The following PGD variants were observed in gnomAD, a reference collection of about 807,000 sequenced individuals.
PGD encodes the protein phosphogluconate dehydrogenase.
In PGD, 21 loss-of-function variants were observed where a neutral mutation model predicts 60.4. The observed-to-expected ratio is 0.35, with a 90% CI of 0.25 to 0.50. PGD has a LOEUF of 0.50. Ranked by LOEUF, PGD falls within the 20% of genes least tolerant of loss-of-function variation. The pLI is 0.98. For missense variants in PGD, 477 were observed against 613.1 expected (o/e 0.78, Z 2.34); for synonymous variants, 230 against 235.9 (o/e 0.97, Z 0.23).
chr1:10,411,824 C>T (rs1014199971), intron 7 of PGD, among the ~76,000 whole-genome samples: 3 of 152,190 alleles, frequency 2.0e-5, no homozygotes, highest in African/African-American at 7.2e-5. Context: ...CATACCTGTC[C>T]CATTTACTCC....
Position 10,413,259 on chromosome 1 carries a change from T to TA in PGD, c.844+9dup. The stretch of plus-strand genomic sequence containing the variant: ...TACCCGTCACCCTCATTGGTAATGT[T>TA]ATGCTTTTCACATGGGCCCTTTCGT... On this transcript the variant is annotated intron_variant, in intron 8 of 12. Transcript: ENST00000270776. The TA allele has an allele frequency of 6.2e-7, 1 of 1,611,380 alleles. No individual in the cohort carries two copies. The highest frequency in any genetic ancestry group is 8.5e-7 in the Non-Finnish European group (1 of 1,177,678).
In PGD at chr1:10,409,981, C is replaced by T. The variant is rs574236491; in HGVS notation, c.520-1437C>T. ...TGCAACTTTTTTTTAGATACACACA[C>T]TTAGGACAAAGTCATGAAGAGAAGC... On this transcript the variant is annotated intron_variant, in intron 6 of 12. Transcript: ENST00000270776. Among the ~76,000 whole-genome samples the T allele has an allele frequency of 5.9e-5, 9 of 152,238 alleles. No individual in the cohort carries two copies. The East Asian group carries it at 1.7e-3, about 29-fold the overall frequency.
chr1:10,399,509 G>T, intron 1 of PGD, 120 bp from the exon 2 acceptor site: 1 of 905,882 alleles, frequency 1.1e-6, no homozygotes, highest in Non-Finnish European at 1.7e-6. Context: ...GGGGCCCGCG[G>T]GAGGCGCGGA....
At chr1:10,405,423 C>T (rs1002067834) in intron 5 of PGD, among the ~76,000 whole-genome samples, 1 of 150,392 alleles carries the variant, frequency 6.6e-6, no homozygotes, top group Non-Finnish European at 1.5e-5. Context: ...CACACACACA[C>T]ACATATATAT....
rs535757923 is a variant in PGD, at chr1:10,399,065, C to A, written c.-53C>A. On this transcript the variant is annotated 5_prime_UTR_variant, in exon 1 of 13. Coordinates refer to ENST00000270776, the MANE Select transcript of PGD (RefSeq NM_002631.4). The stretch of plus-strand genomic sequence containing the variant: ...TGGAGGGAGCCGCTGCGGGTCTTTC[C>A]CTCACTCGTCCTCCGCGCGTCGCCG... 1.8e-5 allele frequency: 29 copies of A among 1,607,950 alleles called. 1 individual carries two copies. In the South Asian group the frequency reaches 3.0e-4, roughly 16 times the overall value.
chr1:10,405,966 G>A (rs139515209), intron 5 of PGD, among the ~76,000 whole-genome samples: 8 of 152,044 alleles, frequency 5.3e-5, no homozygotes, highest in African/African-American at 7.2e-5. Context: ...CCATTCTCTC[G>A]CCTCAGCCTC....
rs751921769 is a variant in PGD, at chr1:10,419,679, C to A, written c.1382C>A (p.Pro461Gln). Residue 461 changes from proline (P) to glutamine (Q), a missense_variant, in exon 13 of 13, where the codon CCA (proline) becomes CAA (glutamine). By Grantham distance (76) the Pro-to-Gln change is moderately conservative. Coordinates refer to ENST00000270776, the MANE Select transcript of PGD (RefSeq NM_002631.4). ...GAHTYELLAK[P>Q]GQFIHTNWTG... ...CACACCTATGAACTCTTGGCCAAACCAGGGCAGTTTATCCACACCAACTGG... is the reference window on the plus strand; with the variant it reads ...CACACCTATGAACTCTTGGCCAAACAAGGGCAGTTTATCCACACCAACTGG... The A allele has an allele frequency of 5.0e-6, 8 of 1,614,206 alleles. No individual in the cohort carries two copies. The South Asian group carries it at 8.8e-5, about 18-fold the overall frequency.
chr1:10,416,382 T>G (rs911010960), intron 8 of PGD, among the ~76,000 whole-genome samples: 1 of 152,234 alleles, frequency 6.6e-6, no homozygotes, highest in Non-Finnish European at 1.5e-5. Context: ...GTTATCAAAT[T>G]AACTGTTTAG....
chr1:10,400,920 TGTCTCTACA>T (rs1639305260), intron 3 of PGD, among the ~76,000 whole-genome samples: 1 of 152,014 alleles, frequency 6.6e-6, no homozygotes, highest in Non-Finnish European at 1.5e-5. Flanking sequence ...GGCGAAACCC[TGTCTCTACA>T]TAAAATTAAA....
In PGD at chr1:10,400,654, T is replaced by C. The variant is rs549527936; in HGVS notation, c.264+82T>C. 1.0e-5 allele frequency: 11 copies of C among 1,099,242 alleles called. No homozygotes were observed. In the East Asian group the frequency reaches 2.8e-4, roughly 28 times the overall value. The allele number at this position is 1,099,242 out of a possible 1,614,324, so 68.1% of individuals were successfully genotyped here. ...CCTTTAGTTCTCCTTCTTTTAACTC[T>C]AGAGATTTTTTTTTTTCAATTTCTG... On this transcript the variant is annotated intron_variant, in intron 3 of 12. Transcript: ENST00000270776.
intron 8 of PGD, chr1:10,415,258 A>G (rs1639576041): frequency 2.0e-5 from 3 of 152,114 alleles, no homozygotes. Context: ...TAAGGAGGAA[A>G]GTCGGTGGTT....
chr1:10,401,012 C>A (rs1235789839), intron 3 of PGD, among the ~76,000 whole-genome samples: 1 of 152,142 alleles, frequency 6.6e-6, no homozygotes, highest in African/African-American at 2.4e-5. Flanking sequence ...CGAGACCAGC[C>A]TGGCCAACAT....
rs75547745 is a variant in PGD at position 10,418,060 on chromosome 1, A to G, written c.1109+551A>G. On this transcript the variant is annotated intron_variant, in intron 10 of 12. Coordinates refer to ENST00000270776, the MANE Select transcript of PGD (RefSeq NM_002631.4). ...ACCTTTTAAAGTACTTCTGTGAACT[A>G]TCGTGCCCTCTGGCCTTGCCTCTTG... 3.2e-3 allele frequency among the ~76,000 whole-genome samples: 477 copies of G among 148,282 alleles called. 15 individuals are homozygous for G. In the East Asian group the frequency reaches 0.055, roughly 17 times the overall value.
rs1270914227 is a variant in PGD, at chr1:10,413,130, G to A, written c.723G>A (p.Lys241=). The part of the protein sequence containing the change: ...FLIEITANIL[K]FQDTDGKHLL... Reference sequence around the variant, plus strand: ...TTGAAATCACAGCCAATATTCTCAAGTTCCAAGACACCGATGGCAAACACC... The same window carrying A: ...TTGAAATCACAGCCAATATTCTCAAATTCCAAGACACCGATGGCAAACACC... Residue 241 remains lysine, a synonymous_variant, in exon 8 of 13, where the codon AAG becomes AAA. Transcript: ENST00000270776. The A allele has an allele frequency of 1.2e-6, 2 of 1,614,154 alleles. No homozygotes were observed. Among genetic ancestry groups the A allele is most frequent in the Admixed American group, 1.7e-5 (1 of 60,022 alleles).
intron 8 of PGD, among the ~76,000 whole-genome samples, chr1:10,414,157 A>G (rs1298653704): frequency 6.6e-6 from 1 of 152,152 alleles, no homozygotes; most frequent in Admixed American, 6.5e-5. Context: ...TTACCTATCC[A>G]TTTGAGTCCT....
chr1:10,417,321 T>C, intron 9 of PGD, 55 bp from the exon 10 acceptor site: 1 of 1,553,426 alleles, frequency 6.4e-7, no homozygotes, highest in Admixed American at 1.8e-5. Context: ...CTGGTAGACA[T>C]AAGGCGGTCA....
At chr1:10,416,942 A>G (rs1198457853) in intron 8 of PGD, 45 bp from the exon 9 acceptor site, 2 of 1,601,672 alleles carry the variant, frequency 1.2e-6, no homozygotes, top group South Asian at 1.1e-5. Flanking sequence ...TTGGGCTCAG[A>G]GGCCTGACAG....
At chr1:10,418,991 G>GTTTTT in intron 11 of PGD, 66 bp downstream of exon 11, 1 of 894,066 alleles carries the variant, frequency 1.1e-6, no homozygotes, top group African/African-American at 1.7e-5. Context: ...GTGATGTTTG[G>GTTTTT]TTTTTTGTTT....
rs1557757894 is a variant in PGD at position 10,399,702 on chromosome 1, G to A, written c.82G>A (p.Val28Met). 1 of 1,614,040 alleles carries A rather than the reference G, an allele frequency of 6.2e-7. No individual in the cohort carries two copies. Among genetic ancestry groups the A allele is most frequent in the Admixed American group, 1.7e-5 (1 of 60,026 alleles). The change falls in exon 2 of 13, where the codon GTG becomes ATG. Residue 28 changes from valine to methionine, a missense_variant and splice_region_variant. Physicochemically the swap from Val to Met is conservative, Grantham distance 21 (BLOSUM62 1). Transcript: ENST00000270776. The part of the protein sequence containing the change: ...LILNMNDHGF[V>M]VCAFNRTVSK... ...TCTGAACATGAATGACCACGGCTTTGTGGTAAGCGGCGTGGGCGCGTTGTC... is the reference window on the plus strand; with the variant it reads ...TCTGAACATGAATGACCACGGCTTTATGGTAAGCGGCGTGGGCGCGTTGTC...
Sources: allele counts gnomAD v4.1 joint callset (sites outside exome capture counted in the v4.1 genomes callset), GRCh38; gene constraint gnomAD v4.1.1; transcripts MANE v1.5; gene names NCBI Gene and HGNC (gene_info 2026-07-23, HGNC 2026-07-21).